TENM3: variants seen among roughly 807,000 people sequenced by gnomAD.
TENM3 encodes the protein teneurin transmembrane protein 3, also known as teneurin-3.
A neutral mutation model predicts 255.1 loss-of-function variants in TENM3; 63 were observed. The observed-to-expected ratio is 0.25, with a 90% CI of 0.20 to 0.30. TENM3 has a LOEUF of 0.30. Among genes scored for constraint, TENM3 ranks in the 10% least tolerant of loss-of-function variants. The pLI, the probability that TENM3 is intolerant of heterozygous loss-of-function variation, is 1.00. For synonymous variants in TENM3, 1,306 were observed against 1,322.3 expected, an observed-to-expected ratio of 0.99 and a Z score of 0.27; for missense variants, 2,929 against 3,461.1, an observed-to-expected ratio of 0.85 and a Z score of 3.86.
chr4:181,888,796 T>G, the TENM3 span, among the ~76,000 whole-genome samples: 1 of 151,056 alleles, frequency 6.6e-6, no homozygotes, highest in Admixed American at 6.6e-5. Flanking sequence ...CAGTTCTAGT[T>G]TGAAGGCCTG....
In TENM3 at chr4:182,751,949, C is replaced by G. The variant is rs1561199595; in HGVS notation, c.3779C>G (p.Thr1260Arg). The G allele has an allele frequency of 6.2e-7, 1 of 1,613,582 alleles. No homozygotes were observed. The highest frequency in any genetic ancestry group is 8.5e-7 in the Non-Finnish European group (1 of 1,179,866). The change falls in exon 20 of 28, where the codon ACA becomes AGA. Residue 1260 changes from threonine to arginine, a missense_variant. Around this residue, in one of 6 missense-constraint regions of TENM3, gnomAD observed 1,608 missense variants for 1,884.4 expected, o/e 0.85. Coordinates refer to ENST00000511685, the MANE Select transcript of TENM3 (RefSeq NM_001080477.4). The part of the protein sequence containing the change: ...LTKNAEVVAG[T>R]GEQCLPFDEA... ...AAAAATGCAGAAGTCGTCGCAGGGA[C>G]AGGGGAGCAATGCCTTCCGTTTGAC...
chr4:181,929,675 G>A, the TENM3 span, among the ~76,000 whole-genome samples: 1 of 152,096 alleles, frequency 6.6e-6, no homozygotes, highest in Non-Finnish European at 1.5e-5. Flanking sequence ...CTCCTACCAA[G>A]TGGACCTAAT....
chr4:182,625,453 G>T (rs143643188), intron 4 of TENM3, among the ~76,000 whole-genome samples: 1 of 152,166 alleles, frequency 6.6e-6, no homozygotes, highest in African/African-American at 2.4e-5. Context: ...ATGATCTGAG[G>T]TGGAAAAGTT....
At chr4:181,827,077 T>C in the TENM3 span, among the ~76,000 whole-genome samples, 1 of 152,154 alleles carries the variant, frequency 6.6e-6, no homozygotes, top group Admixed American at 6.5e-5. Flanking sequence ...CAATAATTCC[T>C]CTTTTCCCTA....
At chr4:182,179,110 A>G (rs1752692193) in intron 1 of TENM3, among the ~76,000 whole-genome samples, 1 of 152,234 alleles carries the variant, frequency 6.6e-6, no homozygotes, top group African/African-American at 2.4e-5. Context: ...TGAGCAAAAC[A>G]TATCTAAATC....
chr4:182,365,515 C>A (rs950092195), intron 3 of TENM3, among the ~76,000 whole-genome samples: 3 of 152,192 alleles, frequency 2.0e-5, no homozygotes, highest in Non-Finnish European at 2.9e-5. Context: ...TAGCTGGATG[C>A]CGCCTGTACA....
At chr4:182,668,383 T>G (rs1334922089) in intron 6 of TENM3, among the ~76,000 whole-genome samples, 1 of 152,180 alleles carries the variant, frequency 6.6e-6, no homozygotes, top group East Asian at 1.9e-4. Flanking sequence ...CCGTTCCTTA[T>G]TGAAAAGTTT....
At chr4:181,478,209 C>G in the TENM3 span, among the ~76,000 whole-genome samples, 1 of 152,120 alleles carries the variant, frequency 6.6e-6, no homozygotes, top group Middle Eastern at 3.2e-3. Flanking sequence ...AAAAATCAGT[C>G]CATAAAATGC....
chr4:182,545,079 T>G (rs1328011043), intron 3 of TENM3, among the ~76,000 whole-genome samples: 7 of 152,138 alleles, frequency 4.6e-5, no homozygotes, highest in African/African-American at 1.7e-4. Context: ...TAAAGGAAAA[T>G]TGCTTCTCCT....
chr4:182,054,946 G>C, the TENM3 span, among the ~76,000 whole-genome samples: 1 of 152,230 alleles, frequency 6.6e-6, no homozygotes, highest in African/African-American at 2.4e-5. Context: ...ACCAGAGCTC[G>C]GAGGTAGGAG....
chr4:181,516,261 C>A, the TENM3 span, among the ~76,000 whole-genome samples: 3 of 151,384 alleles, frequency 2.0e-5, no homozygotes, highest in Non-Finnish European at 4.4e-5. Flanking sequence ...GTATGCAGGG[C>A]TTAATACATA....
the TENM3 span, among the ~76,000 whole-genome samples, chr4:181,814,522 A>C: frequency 9.3e-3 from 1,412 of 152,246 alleles, 26 homozygotes; most frequent in African/African-American, 0.033. Context: ...AACTTCACTG[A>C]ATGGATACCT....
intron 6 of TENM3, among the ~76,000 whole-genome samples, chr4:182,661,191 A>AT (rs1754193779): frequency 8.8e-6 from 1 of 113,330 alleles, no homozygotes; most frequent in South Asian, 2.8e-4. Context: ...TTTAAATTTT[A>AT]ATTTTTTTTT....
chr4:182,210,607 C>A (rs1037706895), intron 1 of TENM3, among the ~76,000 whole-genome samples: 9 of 139,754 alleles, frequency 6.4e-5, no homozygotes, highest in African/African-American at 2.1e-4. Flanking sequence ...CCTCCATTTT[C>A]CCCCTCTCTA....
At chr4:181,675,284 A>G in the TENM3 span, among the ~76,000 whole-genome samples, 1,514 of 152,106 alleles carry the variant, frequency 1.0e-2, 30 homozygotes, top group Non-Finnish European at 0.011. Context: ...TCCAAACTGC[A>G]TTTCCTTGCA....
chr4:181,918,565 T>C, the TENM3 span, among the ~76,000 whole-genome samples: 1 of 152,226 alleles, frequency 6.6e-6, no homozygotes, highest in African/African-American at 2.4e-5. Flanking sequence ...TTTTCATTTA[T>C]TCCCAATAAT....
chr4:181,786,038 C>T, the TENM3 span, among the ~76,000 whole-genome samples: 2 of 152,150 alleles, frequency 1.3e-5, no homozygotes, highest in Non-Finnish European at 2.9e-5. Context: ...CTGATCTTAT[C>T]ACATCATTTC....
the TENM3 span, among the ~76,000 whole-genome samples, chr4:182,052,980 A>C: frequency 1.3e-5 from 2 of 152,188 alleles, no homozygotes; most frequent in Non-Finnish European, 2.9e-5. Context: ...ATACATATAC[A>C]TTATATATAA....
At chr4:182,538,232 C>G (rs931672597) in intron 3 of TENM3, among the ~76,000 whole-genome samples, 6 of 152,132 alleles carry the variant, frequency 3.9e-5, no homozygotes, top group East Asian at 1.9e-4. Flanking sequence ...TTATGGAGTT[C>G]CCAGAGGCAC....
Sources: allele counts gnomAD v4.1 joint callset (sites outside exome capture counted in the v4.1 genomes callset), GRCh38; gene constraint gnomAD v4.1.1; regional missense constraint gnomAD v4.1.1; transcripts MANE v1.5; gene names NCBI Gene and HGNC (gene_info 2026-07-23, HGNC 2026-07-21).